The following MYO1C variants were observed in gnomAD, a reference collection of about 807,000 sequenced individuals.
MYO1C encodes unconventional myosin-Ic.
A neutral mutation model predicts 150.8 loss-of-function variants in MYO1C; 104 were observed. That is an observed-to-expected ratio of 0.69 (90% CI 0.59 to 0.81). The LOEUF (loss-of-function observed/expected upper bound fraction) is 0.81, where lower values mean the gene tolerates loss of function less well. Ranked by LOEUF, MYO1C falls within the 30% of genes least tolerant of loss-of-function variation. MYO1C has a pLI of 0.00. For synonymous variants in MYO1C, 663 were observed against 579.9 expected (o/e 1.14, Z -2.06); for missense variants, 1,504 against 1,435.0 (o/e 1.05, Z -0.78).
intron 19 of MYO1C, 102 bp from the exon 20 acceptor site, chr17:1,471,438 G>A (rs1009616681): frequency 1.8e-5 from 16 of 910,060 alleles, no homozygotes; most frequent in Middle Eastern, 2.6e-4. Context: ...CCACTGACTC[G>A]TTCACAGCTA....
At chr17:1,470,941 C>G in intron 21 of MYO1C, 130 bp downstream of exon 21, 1 of 1,105,352 alleles carries the variant, frequency 9.0e-7, no homozygotes, top group Admixed American at 2.0e-5. Context: ...GAGAAGGACT[C>G]CCTGGAGCTG....
rs192672820 is a variant in MYO1C at position 1,466,772 on chromosome 17, G to A, written c.3165+470C>T. ...CCCACTAGTAGCTGGTATTACAGGC[G>A]TGCACCACCACGCCCGGCTAATTTT... On this transcript the variant is annotated intron_variant, in intron 31 of 31. Coordinates refer to ENST00000648651, the MANE Select transcript of MYO1C (RefSeq NM_001080779.2). Among the ~76,000 whole-genome samples, 655 of 151,754 alleles carry A rather than the reference G, an allele frequency of 4.3e-3. 3 individuals are homozygous for A. Among genetic ancestry groups the A allele is most frequent in the Non-Finnish European group, 4.9e-3 (336 of 67,938 alleles).
Position 1,477,393 on chromosome 17 carries a change from C to A in MYO1C, c.1574+112G>T. ...TGAGGGGTCCTTAACTCAGCACCGTCCCTGGTCACCTCCTTGTGGCTGGTG... is the reference window on the plus strand; with the variant it reads ...TGAGGGGTCCTTAACTCAGCACCGTACCTGGTCACCTCCTTGTGGCTGGTG... On this transcript the variant is annotated intron_variant, in intron 14 of 31. Coordinates refer to ENST00000648651, the MANE Select transcript of MYO1C (RefSeq NM_001080779.2). The A allele has an allele frequency of 4.1e-6, 4 of 976,802 alleles. No homozygotes were observed. The South Asian group carries it at 5.3e-5, about 13-fold the overall frequency. The allele number at this position is 976,802 out of a possible 1,614,324, so 60.5% of individuals were successfully genotyped here. A position where few individuals can be genotyped will look rare whatever the true frequency, so the allele number is the denominator to read the frequency against.
chr17:1,470,614 C>T lies in MYO1C; in HGVS notation c.2281+7G>A, dbSNP rs748587990. On this transcript the variant is annotated splice_region_variant and intron_variant, in intron 22 of 31. Transcript: ENST00000648651. ...CGCCCCTCCTGAACACCCATGGGCC[C>T]GCGAACCTGATCTCTTCACCCGGAG... 18 of 1,611,270 alleles carry T rather than the reference C, an allele frequency of 1.1e-5. No individual in the cohort carries two copies. The East Asian group carries it at 2.0e-4, about 18-fold the overall frequency.
intron 26 of MYO1C, 40 bp from the exon 27 acceptor site, chr17:1,468,348 A>C (rs753452981): frequency 1.2e-5 from 19 of 1,613,596 alleles, no homozygotes; most frequent in Admixed American, 3.3e-5. Context: ...AGTGGAGGCA[A>C]TGGGGGACCA....
rs2074257013 is a variant in MYO1C at position 1,469,614 on chromosome 17, C to T, written c.2527G>A (p.Ala843Thr). ...CACAACTCCCGCAGAAGCTCTGAGG[C>T]CTAAGGGGAGGAGTGAGGTCAGAGG... ...WPTPPPALRE[A>T]SELLRELCIK... The change falls in exon 25 of 32, where the codon GCC becomes ACC. Residue 843 changes from alanine to threonine, a missense_variant and splice_region_variant. By Grantham distance (58) the Ala-to-Thr change is moderately conservative (BLOSUM62 0). Coordinates refer to ENST00000648651, the MANE Select transcript of MYO1C (RefSeq NM_001080779.2). The T allele has an allele frequency of 6.2e-7, 1 of 1,610,408 alleles. No homozygotes were observed.
chr17:1,474,774 T>TCCCCACCCCCCCCCCCC, intron 16 of MYO1C, 38 bp downstream of exon 16: 1 of 1,597,382 alleles, frequency 6.3e-7, no homozygotes, highest in Non-Finnish European at 8.6e-7. Flanking sequence ...CTGTGGGCTA[T>TCCCCACCCCCCCCCCCC]CCCCACCCCC....
At chr17:1,485,024 C>G (rs1262632524) in intron 1 of MYO1C, 3 of 1,036,386 alleles carry the variant, frequency 2.9e-6, no homozygotes, top group Non-Finnish European at 2.6e-6. Flanking sequence ...GGCCCTCCCT[C>G]GCATGGCTGG....
chr17:1,484,461 G>A (rs2074609448), intron 1 of MYO1C, 158 bp from the exon 2 acceptor site: 2 of 771,968 alleles, frequency 2.6e-6, no homozygotes, highest in African/African-American at 1.9e-5. Context: ...TGGGTGCTGA[G>A]GGCCTGGGTG....
At chr17:1,483,186 G>A in intron 3 of MYO1C, 127 bp from the exon 4 acceptor site, 1 of 957,666 alleles carries the variant, frequency 1.0e-6, no homozygotes, top group Non-Finnish European at 1.5e-6. Context: ...TGGGGACTGG[G>A]GGTCCCTCAC....
chr17:1,488,800 C>T (rs951629490), intron 1 of MYO1C, among the ~76,000 whole-genome samples: 2 of 152,144 alleles, frequency 1.3e-5, no homozygotes, highest in African/African-American at 2.4e-5. Flanking sequence ...AGGCCATGGC[C>T]CCTGAGTGAC....
chr17:1,485,719 G>A (rs1377235230), intron 1 of MYO1C: 107 of 1,168,486 alleles, frequency 9.2e-5, no homozygotes, highest in Non-Finnish European at 1.1e-4. Flanking sequence ...CATCCTGCCC[G>A]GCCGGCCTGG....
Position 1,474,685 on chromosome 17 carries a change from C to T in MYO1C, c.1722G>A (p.Met574Ile). 3 of 1,614,058 alleles carry T rather than the reference C, an allele frequency of 1.9e-6. No individual in the cohort carries two copies. Among genetic ancestry groups the T allele is most frequent in the Non-Finnish European group, 2.5e-6 (3 of 1,179,938 alleles). The change falls in exon 17 of 32, where the codon ATG (methionine) becomes ATA (isoleucine). Residue 574 changes from methionine (M) to isoleucine (I), a missense_variant. By Grantham distance (10) the Met-to-Ile change is conservative. Transcript: ENST00000648651. ...TCATAATGGGATTCTTTGAGCTACA[C>T]ATGGTCTGTGTGGGCAGAGCCGGGG... ...DLLFRNLKET[M>I]CSSKNPIMSQ...
intron 1 of MYO1C, among the ~76,000 whole-genome samples, chr17:1,487,510 G>C (rs913991341): frequency 4.6e-5 from 7 of 152,218 alleles, no homozygotes; most frequent in Admixed American, 1.3e-4. Context: ...GGACCCCCGA[G>C]CGGGGGCACC....
chr17:1,477,799 G>T, intron 13 of MYO1C, 92 bp downstream of exon 13: 1 of 1,286,634 alleles, frequency 7.8e-7, no homozygotes. Flanking sequence ...CCAAACTCTG[G>T]CCCTCCGTGG....
intron 31 of MYO1C, 123 bp downstream of exon 31, chr17:1,467,119 A>C (rs1475727659): frequency 5.5e-6 from 5 of 906,832 alleles, no homozygotes; most frequent in East Asian, 2.7e-5. Flanking sequence ...AAGGGATGGA[A>C]GAGGTGGTAT....
At chr17:1,491,453 C>CG (rs200155274) in intron 1 of MYO1C, 2 of 173,124 alleles carry the variant, frequency 1.2e-5, no homozygotes, top group South Asian at 3.0e-4. Context: ...TGGGACCCCC[C>CG]CCCCCCGCAC....
At chr17:1,480,283 C>G (rs1173966252) in intron 7 of MYO1C, among the ~76,000 whole-genome samples, 1 of 150,752 alleles carries the variant, frequency 6.6e-6, no homozygotes, top group Non-Finnish European at 1.5e-5. Context: ...TCCGTCTCTA[C>G]TAAAACTACA....
At chr17:1,472,290 G>A in intron 17 of MYO1C, 62 bp from the exon 18 acceptor site, 1 of 1,441,414 alleles carries the variant, frequency 6.9e-7, no homozygotes, top group South Asian at 1.1e-5. Context: ...GACCCCAGCA[G>A]CGAGTACCCC....
Sources: allele counts gnomAD v4.1 joint callset (sites outside exome capture counted in the v4.1 genomes callset), GRCh38; gene constraint gnomAD v4.1.1; transcripts MANE v1.5; gene names NCBI Gene and HGNC (gene_info 2026-07-23, HGNC 2026-07-21).